The following DNER variants were observed in gnomAD, a reference collection of about 807,000 sequenced individuals.
The protein encoded by DNER is delta and Notch-like epidermal growth factor-related receptor.
A neutral mutation model predicts 78.2 loss-of-function variants in DNER; 33 were observed. The ratio of observed to expected loss-of-function variants is 0.42; its 90% CI spans 0.32 to 0.56. The LOEUF is 0.56. DNER is among the 20% of genes least tolerant of loss of function. The pLI is 0.11. For synonymous variants in DNER, 417 were observed against 384.8 expected, an observed-to-expected ratio of 1.08 and a Z score of -0.98; for missense variants, 918 against 975.3, an observed-to-expected ratio of 0.94 and a Z score of 0.78.
At chr2:229,395,141 G>A (rs2106339116) in intron 10 of DNER, among the ~76,000 whole-genome samples, 1 of 152,272 alleles carries the variant, frequency 6.6e-6, no homozygotes, top group East Asian at 1.9e-4. Context: ...GGTTTTTGGG[G>A]GTGCCAGAGA....
chr2:229,380,467 A>G (rs909019827), intron 11 of DNER, among the ~76,000 whole-genome samples: 2 of 152,200 alleles, frequency 1.3e-5, no homozygotes, highest in Non-Finnish European at 2.9e-5. Flanking sequence ...GGGAGTTCTT[A>G]TGCAACTTTC....
chr2:229,559,517 C>A (rs1176706296), intron 4 of DNER, among the ~76,000 whole-genome samples: 1 of 152,048 alleles, frequency 6.6e-6, no homozygotes, highest in Non-Finnish European at 1.5e-5. Context: ...GAGGTCAGAC[C>A]TTTGGCAACG....
intron 11 of DNER, among the ~76,000 whole-genome samples, chr2:229,369,073 T>A (rs1692416942): frequency 6.6e-6 from 1 of 152,194 alleles, no homozygotes; most frequent in Non-Finnish European, 1.5e-5. Flanking sequence ...ATTTACTTGA[T>A]CTCCTTGAGC....
At position 229,418,099 on chromosome 2, in the gene DNER, G is replaced by T. The variant is rs757125490; in HGVS notation, c.1609+9C>A. 9.5e-5 allele frequency: 153 copies of T among 1,613,976 alleles called. No individual in the cohort carries two copies. In the Admixed American group the frequency reaches 2.6e-3, roughly 27 times the overall value. ...CATTCTGGCACAGGAAGGCCAGGCG[G>T]CCTCTCACCTTTGTATTCTGCCAGG... is the stretch of plus-strand genomic sequence containing the variant. On this transcript the variant is annotated intron_variant, in intron 9 of 12. Coordinates refer to ENST00000341772, the MANE Select transcript of DNER (RefSeq NM_139072.4).
At chr2:229,482,840 C>T (rs2154211490) in intron 6 of DNER, among the ~76,000 whole-genome samples, 1 of 152,204 alleles carries the variant, frequency 6.6e-6, no homozygotes, top group East Asian at 1.9e-4. Flanking sequence ...AATTGCACAA[C>T]AGAGTAGAAG....
chr2:229,485,181 T>C (rs934487532), intron 6 of DNER, among the ~76,000 whole-genome samples: 1 of 152,162 alleles, frequency 6.6e-6, no homozygotes, highest in Non-Finnish European at 1.5e-5. Flanking sequence ...TCAGGGTACA[T>C]GGTAAGGATG....
At chr2:229,491,592 T>C (rs1695400821) in intron 6 of DNER, among the ~76,000 whole-genome samples, 1 of 152,250 alleles carries the variant, frequency 6.6e-6, no homozygotes, top group African/African-American at 2.4e-5. Flanking sequence ...AAGCTCATTT[T>C]ATTCAGTCTC....
intron 5 of DNER, among the ~76,000 whole-genome samples, chr2:229,514,766 G>T (rs1364766434): frequency 6.6e-6 from 1 of 152,172 alleles, no homozygotes; most frequent in African/African-American, 2.4e-5. Flanking sequence ...CTGCATAGGA[G>T]GATGCCCCTC....
chr2:229,401,759 A>C (rs1693272312), intron 10 of DNER, among the ~76,000 whole-genome samples: 1 of 152,186 alleles, frequency 6.6e-6, no homozygotes, highest in Non-Finnish European at 1.5e-5. Flanking sequence ...AAACTGGGTG[A>C]AGCTTACATT....
At chr2:229,462,618 TTTCTC>T (rs906794589) in intron 7 of DNER, among the ~76,000 whole-genome samples, 5 of 152,102 alleles carry the variant, frequency 3.3e-5, no homozygotes, top group African/African-American at 1.2e-4. Flanking sequence ...TTATAACAGT[TTTCTC>T]TTATGAGATT....
chr2:229,609,176 T>G (rs1025511124), intron 1 of DNER, among the ~76,000 whole-genome samples: 1 of 152,128 alleles, frequency 6.6e-6, no homozygotes, highest in Non-Finnish European at 1.5e-5. Flanking sequence ...TGAGCTAAGA[T>G]CACGCCACTG....
At chr2:229,662,375 C>T (rs2154216596) in intron 1 of DNER, among the ~76,000 whole-genome samples, 1 of 152,302 alleles carries the variant, frequency 6.6e-6, no homozygotes, top group Non-Finnish European at 1.5e-5. Context: ...CAAGGGAGTA[C>T]TCATTATTTG....
chr2:229,685,964 G>C (rs553169319), intron 1 of DNER, among the ~76,000 whole-genome samples: 3 of 152,170 alleles, frequency 2.0e-5, no homozygotes, highest in African/African-American at 7.2e-5. Context: ...CCCATGCATG[G>C]GTAGAGCTGA....
At chr2:229,435,634 A>G (rs1694107691) in intron 8 of DNER, among the ~76,000 whole-genome samples, 1 of 152,218 alleles carries the variant, frequency 6.6e-6, no homozygotes, top group African/African-American at 2.4e-5. Context: ...GGTACTACAT[A>G]TTCCTTAGTT....
At chr2:229,571,286 G>T (rs536983327) in intron 4 of DNER, among the ~76,000 whole-genome samples, 1 of 152,202 alleles carries the variant, frequency 6.6e-6, no homozygotes, top group East Asian at 1.9e-4. Flanking sequence ...GAAGAGGGAA[G>T]CCACACTCAG....
intron 1 of DNER, among the ~76,000 whole-genome samples, chr2:229,596,988 T>C (rs1280545250): frequency 6.6e-6 from 1 of 151,414 alleles, no homozygotes. Context: ...CGCACACACA[T>C]GCACACGCAC....
intron 11 of DNER, among the ~76,000 whole-genome samples, chr2:229,368,347 A>G (rs1442312520): frequency 6.6e-6 from 1 of 152,222 alleles, no homozygotes; most frequent in Non-Finnish European, 1.5e-5. Context: ...TGGGCAACAG[A>G]GTGAGACCCT....
intron 8 of DNER, among the ~76,000 whole-genome samples, chr2:229,429,150 G>A (rs184982344): frequency 8.5e-5 from 13 of 152,304 alleles, no homozygotes; most frequent in Admixed American, 8.5e-4. Context: ...TACAATGTGA[G>A]AGTTTGAGAG....
chr2:229,614,962 C>G (rs1657885029), intron 1 of DNER, among the ~76,000 whole-genome samples: 1 of 152,168 alleles, frequency 6.6e-6, no homozygotes, highest in South Asian at 2.1e-4. Context: ...AAGACTTTAT[C>G]TACTAGGATT....
Sources: allele counts gnomAD v4.1 joint callset (sites outside exome capture counted in the v4.1 genomes callset), GRCh38; gene constraint gnomAD v4.1.1; transcripts MANE v1.5; gene names NCBI Gene and HGNC (gene_info 2026-07-23, HGNC 2026-07-21).